The following CHI3L2 variants were observed in gnomAD, a reference collection of about 807,000 sequenced individuals.
CHI3L2 encodes the protein chitinase-3-like protein 2.
A neutral mutation model predicts 47.3 loss-of-function variants in CHI3L2; 47 were observed. That is an observed-to-expected ratio of 0.99 (90% CI 0.79 to 1.27). CHI3L2 has a LOEUF of 1.27. Ranked by LOEUF, CHI3L2 falls within the 50% of genes most tolerant of loss-of-function variation. CHI3L2 has a pLI of 0.00. For synonymous variants in CHI3L2, 198 were observed against 169.9 expected (o/e 1.17, Z -1.28); for missense variants, 497 against 462.1 (o/e 1.08, Z -0.69).
intron 7 of CHI3L2, 58 bp downstream of exon 7, chr1:111,236,211 TC>T: frequency 6.4e-7 from 1 of 1,562,672 alleles, no homozygotes; most frequent in African/African-American, 1.4e-5. Context: ...CTGGGGAGAG[TC>T]CAGCATGTCT....
upstream of CHI3L2, chr1:111,227,661 C>T (rs1261444208): frequency 1.4e-6 from 2 of 1,462,310 alleles, no homozygotes; most frequent in Admixed American, 1.7e-5. Flanking sequence ...TCGTGTAGGA[C>T]AGGCTGTCGA....
In CHI3L2 at chr1:111,242,288, A is replaced by G. The variant is rs1375060593; in HGVS notation, c.1097A>G (p.Asp366Gly). 6.2e-6 allele frequency: 10 copies of G among 1,614,090 alleles called. No individual in the cohort carries two copies. Among genetic ancestry groups the G allele is most frequent in the Non-Finnish European group, 8.5e-6 (10 of 1,179,984 alleles). ...GAMIWSIDMD[D>G]FTGKSCNQGP... Reference sequence around the variant, plus strand: ...ATGATCTGGTCTATTGACATGGATGACTTCACTGGCAAATCCTGCAACCAG... The same window carrying G: ...ATGATCTGGTCTATTGACATGGATGGCTTCACTGGCAAATCCTGCAACCAG... The change falls in exon 10 of 11, where the codon GAC becomes GGC. Residue 366 changes from aspartate to glycine, a missense_variant. Asp to Gly is a moderately conservative substitution (Grantham distance 94, BLOSUM62 -1). Transcript: ENST00000369748.
At chr1:111,227,888 G>A in intron 1 of CHI3L2, 119 bp downstream of exon 1, 1 of 1,055,236 alleles carries the variant, frequency 9.5e-7, no homozygotes, top group Non-Finnish European at 1.4e-6. Flanking sequence ...TGACCTTAGT[G>A]TCAAAAAATT....
intron 7 of CHI3L2, among the ~76,000 whole-genome samples, chr1:111,237,737 G>A (rs2477575): frequency 0.97 from 147,115 of 152,322 alleles, 71,244 homozygotes; most frequent in East Asian, 1. Flanking sequence ...AAGCCCCCCA[G>A]ACATCTGAAC....
chr1:111,242,408 G>C (rs1436431861), intron 10 of CHI3L2, 42 bp downstream of exon 10: 10 of 1,550,902 alleles, frequency 6.4e-6, no homozygotes, highest in African/African-American at 2.8e-5. Flanking sequence ...AGACAGCTGG[G>C]CAGAACAGGG....
intron 4 of CHI3L2, among the ~76,000 whole-genome samples, chr1:111,232,944 G>A (rs1455382651): frequency 6.6e-6 from 1 of 152,184 alleles, no homozygotes; most frequent in East Asian, 1.9e-4. Context: ...CTTCAAAGAT[G>A]AGATACATGC....
chr1:111,232,735 T>C (rs1481294959), intron 4 of CHI3L2, among the ~76,000 whole-genome samples: 1 of 152,230 alleles, frequency 6.6e-6, no homozygotes, highest in Non-Finnish European at 1.5e-5. Flanking sequence ...ATGTGTAATA[T>C]ACAAACTTGC....
At chr1:111,229,634 A>T (rs1571222129) in intron 1 of CHI3L2, 1 of 518,572 alleles carries the variant, frequency 1.9e-6, no homozygotes, top group Non-Finnish European at 2.6e-6. Context: ...GTGAGCCGAG[A>T]TCACACCACT....
Position 111,229,881 on chromosome 1 carries a change from G to C in CHI3L2, c.70G>C (p.Gly24Arg). ...AGTGGTCTTGCTGCTTCTCCAGGGA[G>C]GTAAGTAGTCAATAAGTCACTACCG... ...GVVVLLLLQG[G>R]SAYKLVCYFT... Residue 24 changes from glycine to arginine, a missense_variant and splice_region_variant, in exon 2 of 11, where the codon GGA becomes CGA. By Grantham distance (125) the Gly-to-Arg change is moderately radical (BLOSUM62 -2). Coordinates refer to ENST00000369748, the MANE Select transcript of CHI3L2 (RefSeq NM_004000.3). 1 of 1,613,730 alleles carries C rather than the reference G, an allele frequency of 6.2e-7. No individual in the cohort carries two copies. Among genetic ancestry groups the C allele is most frequent in the Admixed American group, 1.7e-5 (1 of 60,004 alleles).
Position 111,242,257 on chromosome 1 carries a change from G to T in CHI3L2, c.1066G>T (p.Gly356Ter), listed in dbSNP as rs773791829. Residue 356 changes from glycine (G) to a stop codon, truncating the protein, a stop_gained, in exon 10 of 11, where the codon GGA (glycine) becomes TGA (stop). Transcript: ENST00000369748. LOFTEE classifies it high-confidence loss of function. ...GTTCTTAAAGAATTTAAACCTGGGA[G>T]GAGCCATGATCTGGTCTATTGACAT... ...VQFLKNLNLGGAMIWSIDMDD... is the reference protein window; with the variant it reads ...VQFLKNLNLG 7 of 1,614,108 alleles carry T rather than the reference G, an allele frequency of 4.3e-6. No individual in the cohort carries two copies. The South Asian group carries it at 7.7e-5, about 18-fold the overall frequency.
At chr1:111,234,732 C>A (rs1216610962) in intron 4 of CHI3L2, among the ~76,000 whole-genome samples, 175 bp from the exon 5 acceptor site, 1 of 152,226 alleles carries the variant, frequency 6.6e-6, no homozygotes, top group Non-Finnish European at 1.5e-5. Flanking sequence ...GATCAATGTT[C>A]CGGCCCAACA....
intron 7 of CHI3L2, among the ~76,000 whole-genome samples, chr1:111,237,510 C>T (rs186512372): frequency 3.7e-4 from 57 of 152,286 alleles, no homozygotes; most frequent in Admixed American, 3.3e-3. Context: ...CAAAATGGAT[C>T]GGTCCAGAGC....
chr1:111,240,339 T>C (rs980365234), intron 8 of CHI3L2, among the ~76,000 whole-genome samples: 2 of 152,226 alleles, frequency 1.3e-5, no homozygotes, highest in African/African-American at 4.8e-5. Context: ...GAATGGGACA[T>C]GGGTCATTGT....
intron 1 of CHI3L2, 118 bp downstream of exon 1, chr1:111,227,887 T>C (rs770294666): frequency 1.9e-6 from 2 of 1,053,376 alleles, no homozygotes; most frequent in Non-Finnish European, 2.9e-6. Flanking sequence ...TTGACCTTAG[T>C]GTCAAAAAAT....
At chr1:111,242,191 T>C in intron 9 of CHI3L2, 36 bp from the exon 10 acceptor site, 2 of 1,613,742 alleles carry the variant, frequency 1.2e-6, no homozygotes, top group Non-Finnish European at 1.7e-6. Flanking sequence ...GGGGCCACCC[T>C]TCGAATCTCT....
intron 1 of CHI3L2, among the ~76,000 whole-genome samples, chr1:111,229,346 A>G (rs1659622671): frequency 6.6e-6 from 1 of 152,210 alleles, no homozygotes; most frequent in Non-Finnish European, 1.5e-5. Context: ...CTAGGAATGT[A>G]GAGACACAAG....
At chr1:111,230,695 A>C (rs199883993) in intron 2 of CHI3L2, 47 bp from the exon 3 acceptor site, 1 of 1,522,372 alleles carries the variant, frequency 6.6e-7, no homozygotes, top group Non-Finnish European at 9.1e-7. Context: ...TCTGGACTCT[A>C]AGGCAACAGC....
intron 4 of CHI3L2, 41 bp from the exon 5 acceptor site, chr1:111,234,866 C>T: frequency 6.2e-7 from 1 of 1,600,708 alleles, no homozygotes; most frequent in African/African-American, 1.3e-5. Context: ...ACAAGTGTTA[C>T]TTGTTCTTTC....
At chr1:111,242,155 G>A (rs940110351) in intron 9 of CHI3L2, 72 bp from the exon 10 acceptor site, 20 of 1,597,418 alleles carry the variant, frequency 1.3e-5, no homozygotes, top group Non-Finnish European at 1.7e-5. Flanking sequence ...TCCCTCATCT[G>A]AACCTGATAT....
Sources: gnomAD v4.1 joint callset for allele counts (sites outside exome capture counted in the v4.1 genomes callset) on GRCh38, gnomAD v4.1.1 for gene constraint, MANE v1.5 for transcripts, NCBI Gene and HGNC (gene_info 2026-07-23, HGNC 2026-07-21) for gene names.